The following KIF25 variants were observed in gnomAD, a reference collection of about 807,000 sequenced individuals.
The protein encoded by KIF25 is kinesin family member 25, also known as kinesin-like protein KIF25.
Under a neutral mutation model 32.9 loss-of-function variants are expected in KIF25, and 19 were observed. The ratio of observed to expected loss-of-function variants is 0.58; its 90% confidence interval spans 0.40 to 0.85. KIF25 has a LOEUF of 0.85. Ranked by LOEUF, KIF25 falls within the 40% of genes least tolerant of loss-of-function variation. The probability of loss-of-function intolerance (pLI) is 0.00; values close to 1 mark genes in which losing one functional copy is unlikely to be tolerated. For missense variants in KIF25, 485 were observed against 507.0 expected, an observed-to-expected ratio of 0.96 and a Z score of 0.42; for synonymous variants, 225 against 213.7, an observed-to-expected ratio of 1.05 and a Z score of -0.46.
rs1798980978 is a variant in KIF25, at chr6:168,034,030, A to G, written c.316A>G (p.Arg106Gly). 2 of 1,614,008 alleles carry G rather than the reference A, an allele frequency of 1.2e-6. No individual in the cohort carries two copies. The highest frequency in any genetic ancestry group is 1.7e-6 in the Non-Finnish European group (2 of 1,180,004). The change falls in exon 8 of 13, where the codon AGG becomes GGG. Residue 106 changes from arginine to glycine, a missense_variant and splice_region_variant. Arg to Gly is a moderately radical substitution (Grantham distance 125). Transcript: ENST00000643607. ...CCCTAGAGTGGCTGAGGAGCTCTTC[A>G]GGTACTGCCGATGGTGATGAGTGGG... ...IIPRVAEELFRLILENTSRSP... is the reference protein window; with the variant it reads ...IIPRVAEELFGLILENTSRSP...
At chr6:168,011,232 T>A (rs942319905) in intron 4 of KIF25, among the ~76,000 whole-genome samples, 1 of 152,160 alleles carries the variant, frequency 6.6e-6, no homozygotes, top group African/African-American at 2.4e-5. Context: ...TTTAGGTGGT[T>A]TTCTGTAGTG....
At chr6:168,016,385 A>G (rs1310163008) in intron 4 of KIF25, among the ~76,000 whole-genome samples, 1 of 152,170 alleles carries the variant, frequency 6.6e-6, no homozygotes, top group Non-Finnish European at 1.5e-5. Flanking sequence ...AGCACGCGCA[A>G]CCTCCACATC....
intron 5 of KIF25, among the ~76,000 whole-genome samples, chr6:168,027,019 G>T (rs1798869056): frequency 6.6e-6 from 1 of 152,176 alleles, no homozygotes; most frequent in Non-Finnish European, 1.5e-5. Flanking sequence ...CCAAGACCTA[G>T]AGCTGTAGGG....
At chr6:168,002,320 C>T (rs1414304643) in intron 2 of KIF25, among the ~76,000 whole-genome samples, 4 of 147,624 alleles carry the variant, frequency 2.7e-5, no homozygotes, top group Admixed American at 1.3e-4. Context: ...ACACCTGAGG[C>T]GTGGCCTCGG....
intron 4 of KIF25, among the ~76,000 whole-genome samples, chr6:168,009,984 T>G (rs1364355507): frequency 2.0e-5 from 3 of 152,054 alleles, no homozygotes; most frequent in Non-Finnish European, 4.4e-5. Flanking sequence ...GCTAATGGTT[T>G]GTTGATTTTC....
intron 4 of KIF25, among the ~76,000 whole-genome samples, chr6:168,007,951 T>TG (rs1471323253): frequency 5.3e-5 from 8 of 152,250 alleles, no homozygotes; most frequent in African/African-American, 1.9e-4. Context: ...TGGATTTCTG[T>TG]GGGCCCACAG....
intron 8 of KIF25, among the ~76,000 whole-genome samples, chr6:168,036,988 G>A (rs1799033844): frequency 6.6e-6 from 1 of 152,190 alleles, no homozygotes; most frequent in African/African-American, 2.4e-5. Flanking sequence ...CTTGAACCTG[G>A]GTGGCAGAGG....
chr6:168,042,550 G>A lies in KIF25; in HGVS notation c.830-11G>A, dbSNP rs374551750. 128 of 1,610,154 alleles carry A rather than the reference G, an allele frequency of 7.9e-5. No homozygotes were observed. The highest frequency in any genetic ancestry group is 5.0e-4 in the Middle Eastern group (3 of 6,006). On this transcript the variant is annotated splice_polypyrimidine_tract_variant and intron_variant, in intron 11 of 12. Transcript: ENST00000643607. ...GTGCAAACGGTGATGGTGCGTGGCGGTCCTGTCCAGGTGTGTCTGGAGTGA... is the reference window on the plus strand; with the variant it reads ...GTGCAAACGGTGATGGTGCGTGGCGATCCTGTCCAGGTGTGTCTGGAGTGA...
At chr6:168,012,321 T>A (rs1341773044) in intron 4 of KIF25, among the ~76,000 whole-genome samples, 1 of 152,188 alleles carries the variant, frequency 6.6e-6, no homozygotes, top group Admixed American at 6.5e-5. Flanking sequence ...CTCTTCCAAT[T>A]TTATGGAGTA....
At chr6:168,014,260 T>A (rs1157046960) in intron 4 of KIF25, among the ~76,000 whole-genome samples, 1 of 152,182 alleles carries the variant, frequency 6.6e-6, no homozygotes, top group Non-Finnish European at 1.5e-5. Flanking sequence ...GGCTGAGGCC[T>A]GGCCCCAGCC....
At chr6:168,021,917 A>T (rs150335958) in intron 5 of KIF25, among the ~76,000 whole-genome samples, 60 of 152,344 alleles carry the variant, frequency 3.9e-4, no homozygotes, top group African/African-American at 1.3e-3. Flanking sequence ...GATGCTTTTA[A>T]GAGTTTTCTC....
At position 168,042,611 on chromosome 6, in the gene KIF25, C is replaced by T. The variant is rs774856116; in HGVS notation, c.880C>T (p.Arg294Cys). The T allele has an allele frequency of 3.7e-6, 6 of 1,614,006 alleles. No homozygotes were observed. Among genetic ancestry groups the T allele is most frequent in the East Asian group, 2.2e-5 (1 of 44,868 alleles). Residue 294 changes from arginine (R) to cysteine (C), a missense_variant, in exon 12 of 13, where the codon CGC becomes TGC. Arg to Cys is a radical substitution (Grantham distance 180). Around this residue, in one of 2 missense-constraint regions of KIF25, gnomAD observed 480 missense variants for 470.3 expected, o/e 1.02. Coordinates refer to ENST00000643607, the MANE Select transcript of KIF25 (RefSeq NM_030615.4). ...CCTGAGGGAGATGGCGTGCATCAGCCGCAGCCTTGCGGCCCTGGCAGGCGT... is the reference window on the plus strand; with the variant it reads ...CCTGAGGGAGATGGCGTGCATCAGCTGCAGCCTTGCGGCCCTGGCAGGCGT... ...LALREMACIS[R>C]SLAALAGVLG...
chr6:168,013,645 G>T (rs1562382443), intron 4 of KIF25, among the ~76,000 whole-genome samples: 1 of 148,336 alleles, frequency 6.7e-6, no homozygotes, highest in Non-Finnish European at 1.5e-5. Flanking sequence ...TGTGAGGACT[G>T]CAGGATTCCC....
Position 168,042,822 on chromosome 6 carries a change from G to C in KIF25, c.985+106G>C, listed in dbSNP as rs1799148900. ...CTCGAGGGCCACCCATGCACCCCCT[G>C]CACCTCCTGTGTCCTCGCTGTGGCT... is the stretch of plus-strand genomic sequence containing the variant. On this transcript the variant is annotated intron_variant, in intron 12 of 12. Coordinates refer to ENST00000643607, the MANE Select transcript of KIF25 (RefSeq NM_030615.4). The C allele has an allele frequency of 3.8e-6, 5 of 1,321,864 alleles. No homozygotes were observed. The Admixed American group carries it at 1.1e-4, about 28-fold the overall frequency. 81.9% of individuals were successfully genotyped at this position (1,321,864 alleles called of 1,614,324 possible).
intron 3 of KIF25, among the ~76,000 whole-genome samples, chr6:168,003,150 G>A (rs374398310): frequency 2.2e-4 from 33 of 152,246 alleles, no homozygotes; most frequent in Admixed American, 5.9e-4. Flanking sequence ...TCTAAACTGC[G>A]CATGAAGGAG....
intron 5 of KIF25, among the ~76,000 whole-genome samples, chr6:168,025,955 G>A (rs1209020203): frequency 1.3e-5 from 2 of 152,230 alleles, no homozygotes; most frequent in African/African-American, 4.8e-5. Context: ...CTTGAGCTGG[G>A]TGGAGTTTAG....
intron 2 of KIF25, among the ~76,000 whole-genome samples, chr6:167,999,848 A>G (rs1398688663): frequency 6.6e-6 from 1 of 152,050 alleles, no homozygotes; most frequent in Non-Finnish European, 1.5e-5. Flanking sequence ...ACCATACTCA[A>G]TATGACTTAC....
chr6:168,031,579 G>A (rs371058636), intron 7 of KIF25, among the ~76,000 whole-genome samples: 28 of 152,344 alleles, frequency 1.8e-4, no homozygotes, highest in African/African-American at 6.0e-4. Context: ...ACGCGGGGCC[G>A]CTCCGCCAAT....
intron 8 of KIF25, among the ~76,000 whole-genome samples, chr6:168,037,658 TC>T (rs201053902): frequency 0.024 from 3,595 of 152,282 alleles, 161 homozygotes; most frequent in African/African-American, 0.082. Flanking sequence ...TCTCTCTCTC[TC>T]TCTCTCTCTC....
Sources: gnomAD v4.1 joint callset for allele counts (sites outside exome capture counted in the v4.1 genomes callset) on GRCh38, gnomAD v4.1.1 for gene constraint, gnomAD v4.1.1 regional missense constraint, MANE v1.5 for transcripts, NCBI Gene and HGNC (gene_info 2026-07-23, HGNC 2026-07-21) for gene names.